The following IGSF5 variants were observed in gnomAD, a reference collection of about 807,000 sequenced individuals.
The protein encoded by IGSF5 is immunoglobulin superfamily 5 like.
In IGSF5, 41 loss-of-function variants were observed where a neutral mutation model predicts 39.4. The observed-to-expected ratio is 1.04, with a 90% CI of 0.81 to 1.35. The LOEUF is 1.35. Ranked by LOEUF, IGSF5 falls within the 40% of genes most tolerant of loss-of-function variation. The pLI is 0.00. For missense variants in IGSF5, 487 were observed against 494.6 expected, an observed-to-expected ratio of 0.98 and a Z score of 0.15; for synonymous variants, 183 against 175.3, an observed-to-expected ratio of 1.04 and a Z score of -0.34.
the IGSF5 span, among the ~76,000 whole-genome samples, chr21:39,712,059 G>A: frequency 6.6e-6 from 1 of 152,200 alleles, no homozygotes; most frequent in East Asian, 1.9e-4. Flanking sequence ...GCAATCATAA[G>A]TAGGGCAGCA....
chr21:39,744,835 G>C (rs2079964281), upstream of IGSF5, among the ~76,000 whole-genome samples: 2 of 152,200 alleles, frequency 1.3e-5, no homozygotes, highest in Non-Finnish European at 2.9e-5. Context: ...CAAAGCAGTT[G>C]CCGCTACCAA....
intron 8 of IGSF5, among the ~76,000 whole-genome samples, chr21:39,793,913 G>A (rs2086980409): frequency 6.6e-6 from 1 of 152,148 alleles, no homozygotes; most frequent in Non-Finnish European, 1.5e-5. Flanking sequence ...ATAAGAGTGA[G>A]CAGCATATAT....
intron 4 of IGSF5, among the ~76,000 whole-genome samples, chr21:39,778,070 A>G (rs1037801388): frequency 1.3e-5 from 2 of 152,208 alleles, no homozygotes; most frequent in African/African-American, 4.8e-5. Context: ...GTTGAATAAC[A>G]ATTCACAATT....
At chr21:39,789,222 T>C (rs1296996196) in intron 6 of IGSF5, among the ~76,000 whole-genome samples, 1 of 152,216 alleles carries the variant, frequency 6.6e-6, no homozygotes, top group African/African-American at 2.4e-5. Flanking sequence ...CTCTGGGGTC[T>C]TAGGTGATTT....
rs901981891 is a variant in IGSF5, at chr21:39,771,108, C to G, written c.611C>G (p.Ala204Gly). ...CTTCAAAGTGCAGTGAGCATCCTGG[C>G]TCTGACCCCACAGAGCAATGGGACT... ...SDLQSAVSILALTPQSNGTLT... is the reference protein window; with the variant it reads ...SDLQSAVSILGLTPQSNGTLT... The change falls in exon 4 of 9, where the codon GCT becomes GGT. Residue 204 changes from alanine to glycine, a missense_variant. Ala to Gly is a moderately conservative substitution (Grantham distance 60, BLOSUM62 0). Transcript: ENST00000380588. The G allele has an allele frequency of 6.2e-7, 1 of 1,613,332 alleles. No individual in the cohort carries two copies. Among genetic ancestry groups the G allele is most frequent in the Non-Finnish European group, 8.5e-7 (1 of 1,179,658 alleles).
chr21:39,721,740 A>G, the IGSF5 span, among the ~76,000 whole-genome samples: 1 of 147,176 alleles, frequency 6.8e-6, no homozygotes, highest in Non-Finnish European at 1.5e-5. Flanking sequence ...CCACCCATCC[A>G]TTCATTTTTC....
intron 2 of IGSF5, among the ~76,000 whole-genome samples, chr21:39,752,201 C>T (rs1466922328): frequency 6.6e-6 from 1 of 152,148 alleles, no homozygotes; most frequent in East Asian, 1.9e-4. Context: ...TCCATTGTGT[C>T]ATTCTTGTGC....
At chr21:39,769,781 G>C (rs1431861659) in intron 3 of IGSF5, among the ~76,000 whole-genome samples, 3 of 152,030 alleles carry the variant, frequency 2.0e-5, no homozygotes, top group Admixed American at 2.0e-4. Flanking sequence ...AAATTAACAT[G>C]TAATAAATTA....
At chr21:39,718,954 T>C in the IGSF5 span, among the ~76,000 whole-genome samples, 1 of 152,182 alleles carries the variant, frequency 6.6e-6, no homozygotes, top group African/African-American at 2.4e-5. Context: ...TCTGGTAGAA[T>C]TGGGCTCTGA....
chr21:39,726,267 G>A, the IGSF5 span, among the ~76,000 whole-genome samples: 73 of 152,262 alleles, frequency 4.8e-4, no homozygotes, highest in African/African-American at 1.7e-3. Flanking sequence ...TTTAGCCTGT[G>A]GATTTCAGCA....
chr21:39,739,036 C>T, the IGSF5 span, among the ~76,000 whole-genome samples: 2 of 152,046 alleles, frequency 1.3e-5, no homozygotes, highest in East Asian at 3.9e-4. Context: ...TTACAGGAGC[C>T]CGCCACCACG....
intron 2 of IGSF5, among the ~76,000 whole-genome samples, chr21:39,763,760 T>C (rs2080072172): frequency 6.6e-6 from 1 of 152,130 alleles, no homozygotes; most frequent in African/African-American, 2.4e-5. Flanking sequence ...GTGTGGTTAT[T>C]ACATCACGGA....
intron 5 of IGSF5, among the ~76,000 whole-genome samples, chr21:39,784,706 T>C (rs770875235): frequency 2.0e-5 from 3 of 151,790 alleles, no homozygotes; most frequent in Non-Finnish European, 1.5e-5. Flanking sequence ...CCAGGTGTGA[T>C]TCATAGTGGA....
chr21:39,740,350 G>T (rs185097313), upstream of IGSF5, among the ~76,000 whole-genome samples: 26 of 152,048 alleles, frequency 1.7e-4, no homozygotes, highest in Admixed American at 3.3e-4. Context: ...GTTTCTGTAC[G>T]GCCAATAATA....
the IGSF5 span, among the ~76,000 whole-genome samples, chr21:39,738,831 G>A: frequency 1.4e-4 from 22 of 152,136 alleles, no homozygotes; most frequent in South Asian, 4.6e-3. The surrounding 1 kb of genome is among the most constrained non-coding windows in gnomAD (Gnocchi z 6.4). Context: ...AGGGATGAGG[G>A]TACATCTTCA....
At chr21:39,787,972 G>T (rs2086933903) in intron 5 of IGSF5, among the ~76,000 whole-genome samples, 195 bp from the exon 6 acceptor site, 2 of 152,244 alleles carry the variant, frequency 1.3e-5, no homozygotes, top group South Asian at 4.1e-4. Flanking sequence ...TTTTCTAATA[G>T]TTAACAGTGA....
intron 2 of IGSF5, among the ~76,000 whole-genome samples, chr21:39,757,621 G>GCCT (rs2080038035): frequency 6.6e-6 from 1 of 150,376 alleles, no homozygotes; most frequent in Admixed American, 6.6e-5. Flanking sequence ...CTGTCACCCA[G>GCCT]GTTGGAGTGC....
At chr21:39,786,648 C>G (rs1187253511) in intron 5 of IGSF5, among the ~76,000 whole-genome samples, 1 of 151,452 alleles carries the variant, frequency 6.6e-6, no homozygotes. Context: ...GCTATAAAGA[C>G]ACATGCACAC....
intron 4 of IGSF5, among the ~76,000 whole-genome samples, chr21:39,774,662 C>T (rs1214687510): frequency 6.6e-6 from 1 of 152,228 alleles, no homozygotes; most frequent in Non-Finnish European, 1.5e-5. Context: ...TTGGGAGAAG[C>T]ACTGTCAGAG....
Sources: allele counts gnomAD v4.1 joint callset (sites outside exome capture counted in the v4.1 genomes callset), GRCh38; gene constraint gnomAD v4.1.1; non-coding constraint Gnocchi (gnomAD v3.1); transcripts MANE v1.5; gene names NCBI Gene and HGNC (gene_info 2026-07-23, HGNC 2026-07-21).